Variants in ANAPC2 observed in about 807,000 individuals in gnomAD.
ANAPC2 encodes anaphase-promoting complex subunit 2.
In ANAPC2, 29 loss-of-function variants were observed where a neutral mutation model predicts 84.3. That is an observed-to-expected ratio of 0.34 (90% CI 0.26 to 0.47). The LOEUF is 0.47. Among genes scored for constraint, ANAPC2 ranks in the 20% least tolerant of loss-of-function variants. The probability of loss-of-function intolerance (pLI) is 1.00; values close to 1 mark genes in which losing one functional copy is unlikely to be tolerated. For missense variants in ANAPC2, 857 were observed against 1,131.7 expected (o/e 0.76, Z 3.48); for synonymous variants, 571 against 479.4 (o/e 1.19, Z -2.50).
At chr9:137,175,580 C>G (rs977323958) in intron 11 of ANAPC2, 108 bp from the exon 12 acceptor site, 2 of 1,483,706 alleles carry the variant, frequency 1.3e-6, no homozygotes, top group Non-Finnish European at 9.0e-7. Context: ...CTGCCTTGCC[C>G]GTGGGAAAGG....
intron 10 of ANAPC2, among the ~76,000 whole-genome samples, chr9:137,178,576 C>T (rs1834272411): frequency 6.6e-6 from 1 of 152,176 alleles, no homozygotes; most frequent in Admixed American, 6.5e-5. Context: ...CGGAGCCGGG[C>T]CACACGGATG....
At position 137,174,892 on chromosome 9, in the gene ANAPC2, A is replaced by C. The variant is rs993067183; in HGVS notation, c.*50T>G. The C allele has an allele frequency of 1.5e-6, 2 of 1,342,168 alleles. No individual in the cohort carries two copies. Among genetic ancestry groups the C allele is most frequent in the African/African-American group, 3.3e-5 (2 of 60,324 alleles). 83.1% of individuals were successfully genotyped at this position (1,342,168 alleles called of 1,614,324 possible). A position where few individuals can be genotyped will look rare whatever the true frequency, so the allele number is the denominator to read the frequency against. ...GCGGGGGCTGGCACGGGAGGACGAG[A>C]GCACCTGCAGGGCAGCGCCTGGCGG... On this transcript the variant is annotated 3_prime_UTR_variant, in exon 13 of 13. Transcript: ENST00000323927. The surrounding 1 kb of genome is among the most constrained non-coding windows in gnomAD (Gnocchi z 6.1).
In ANAPC2 at chr9:137,186,442, C is replaced by T; in HGVS notation, c.741-86G>A. 2.0e-6 allele frequency: 3 copies of T among 1,487,662 alleles called. No homozygotes were observed. In the South Asian group the frequency reaches 3.7e-5, roughly 18 times the overall value. 92.2% of individuals were successfully genotyped at this position (1,487,662 alleles called of 1,614,324 possible). On this transcript the variant is annotated intron_variant, in intron 2 of 12. Coordinates refer to ENST00000323927, the MANE Select transcript of ANAPC2 (RefSeq NM_013366.4). Reference sequence around the variant, plus strand: ...CAGCCCCATGCCAGGACTGCCCTGCCTGTAGAGTGCATGCAGCACACACAC... The same window carrying T: ...CAGCCCCATGCCAGGACTGCCCTGCTTGTAGAGTGCATGCAGCACACACAC...
chr9:137,185,059 C>G lies in ANAPC2; in HGVS notation c.902G>C (p.Gly301Ala), dbSNP rs1260861356. ...KWIERVVGWL[G>A]KVFLQDGPAR... ...GGGGCCGTCCTGCAGGAACACCTTG[C>G]CGAGCCAGCCGACCACCCGCTCGAT... is the stretch of plus-strand genomic sequence containing the variant. Residue 301 changes from glycine to alanine, a missense_variant, in exon 4 of 13, where the codon GGC becomes GCC. Around this residue, in one of 3 missense-constraint regions of ANAPC2, gnomAD observed 428 missense variants for 513.8 expected, o/e 0.83. Transcript: ENST00000323927. 6.4e-7 allele frequency: 1 copy of G among 1,551,082 alleles called. No homozygotes were observed. The highest frequency in any genetic ancestry group is 2.1e-5 in the Admixed American group (1 of 48,140).
rs201930610 is a variant in ANAPC2 at position 137,174,923 on chromosome 9, C to G, written c.*19G>C. Reference sequence around the variant, plus strand: ...TGCAGGGCAGCGCCTGGCGGGCGGGCGGGCGGGCGGGCGATGTGTCAGCTG... The same window carrying G: ...TGCAGGGCAGCGCCTGGCGGGCGGGGGGGCGGGCGGGCGATGTGTCAGCTG... On this transcript the variant is annotated 3_prime_UTR_variant, in exon 13 of 13. Coordinates refer to ENST00000323927, the MANE Select transcript of ANAPC2 (RefSeq NM_013366.4). This position sits in a 1 kb window ranked among gnomAD's most constrained non-coding sequence, Gnocchi z 6.1. The G allele has an allele frequency of 4.1e-6, 2 of 484,262 alleles. No homozygotes were observed. The highest frequency in any genetic ancestry group is 4.2e-5 in the Admixed American group (1 of 23,932). 30.0% of individuals were successfully genotyped at this position (484,262 alleles called of 1,614,324 possible).
rs2131343672 is a variant in ANAPC2, at chr9:137,188,026, G to A, written c.195C>T (p.His65=). Residue 65 remains histidine (H), a synonymous_variant, in exon 2 of 13, where the codon CAC becomes CAT. Transcript: ENST00000323927. ...LRAAVEVLRG[H]GLHSVLEEWF... Reference sequence around the variant, plus strand: ...ACTCCTCCAGGACCGAGTGTAGCCCGTGGCCCCTCAGAACCTCCACCGCCG... The same window carrying A: ...ACTCCTCCAGGACCGAGTGTAGCCCATGGCCCCTCAGAACCTCCACCGCCG... 2 of 1,613,776 alleles carry A rather than the reference G, an allele frequency of 1.2e-6. No homozygotes were observed. Among genetic ancestry groups the A allele is most frequent in the East Asian group, 4.5e-5 (2 of 44,890 alleles).
At position 137,184,976 on chromosome 9, in the gene ANAPC2, G is replaced by C; in HGVS notation, c.985C>G (p.Gln329Glu). ...NTLRRWRCHV[Q>E]RFFYRIYASL... ...GCGTAGATGCGGTAGAAGAACCTTT[G>C]CACGTGGCAGCGCCAGCGGCGCAGG... The change falls in exon 4 of 13, where the codon CAA (glutamine) becomes GAA (glutamate). Residue 329 changes from glutamine to glutamate, a missense_variant. This residue lies in a region of ANAPC2 where 428 missense variants were observed against 513.8 expected (regional missense o/e 0.83). Transcript: ENST00000323927. The C allele has an allele frequency of 3.7e-6, 6 of 1,612,094 alleles. No homozygotes were observed. Among genetic ancestry groups the C allele is most frequent in the Non-Finnish European group, 5.1e-6 (6 of 1,179,536 alleles).
intron 2 of ANAPC2, 126 bp from the exon 3 acceptor site, chr9:137,186,482 C>G: frequency 1.6e-6 from 2 of 1,261,256 alleles, no homozygotes; most frequent in East Asian, 5.2e-5. Context: ...ACACACCCAG[C>G]ACACACCTCC....
At chr9:137,186,700 A>C (rs1834478441) in intron 2 of ANAPC2, 2 of 300,872 alleles carry the variant, frequency 6.6e-6, no homozygotes. Context: ...ACGACAACCA[A>C]CTGCACTGCT....
At chr9:137,183,438 C>T (rs781770336) in intron 5 of ANAPC2, 196 bp from the exon 6 acceptor site, 58 of 752,118 alleles carry the variant, frequency 7.7e-5, no homozygotes, top group Admixed American at 1.7e-4. Context: ...TCTGAGAGAA[C>T]TAAGTCTCAT....
At chr9:137,180,693 C>A in intron 8 of ANAPC2, 95 bp downstream of exon 8, 1 of 1,569,738 alleles carries the variant, frequency 6.4e-7, no homozygotes. Flanking sequence ...ACAGCTCCAA[C>A]CAGGCCCCAG....
intron 10 of ANAPC2, chr9:137,176,729 A>G (rs1208128141): frequency 6.6e-6 from 1 of 152,272 alleles, no homozygotes; most frequent in African/African-American, 2.4e-5. Context: ...TGACCGTGCT[A>G]CTGGGAACCG....
At chr9:137,185,709 C>A (rs915536034) in intron 3 of ANAPC2, among the ~76,000 whole-genome samples, 1 of 152,224 alleles carries the variant, frequency 6.6e-6, no homozygotes, top group Non-Finnish European at 1.5e-5. Context: ...GGGGGACCCA[C>A]ATGGCTGGGC....
At position 137,180,647 on chromosome 9, in the gene ANAPC2, G is replaced by C. The variant is rs555810109; in HGVS notation, c.1611-120C>G. The C allele has an allele frequency of 3.1e-5, 48 of 1,569,636 alleles. 1 individual carries two copies. In the Admixed American group the frequency reaches 6.9e-4, roughly 22 times the overall value. ...GGGAGCCTGTGTGGGCACCCCAATG[G>C]CTAGCACACCCCCAGCCAGGAGTGG... On this transcript the variant is annotated intron_variant, in intron 8 of 12. Coordinates refer to ENST00000323927, the MANE Select transcript of ANAPC2 (RefSeq NM_013366.4).
chr9:137,187,919 G>A lies in ANAPC2; in HGVS notation c.302C>T (p.Ser101Phe). ...FWNAISQCENSADEPQCLLLL... is the reference protein window; with the variant it reads ...FWNAISQCENFADEPQCLLLL... ...CAAAAGGCACTGGGGCTCATCCGCA[G>A]AGTTCTCGCATTGGGAGATGGCATT... Residue 101 changes from serine (S) to phenylalanine (F), a missense_variant, in exon 2 of 13, where the codon TCT becomes TTT. Transcript: ENST00000323927. The A allele has an allele frequency of 6.2e-7, 1 of 1,613,894 alleles. No individual in the cohort carries two copies. The highest frequency in any genetic ancestry group is 8.5e-7 in the Non-Finnish European group (1 of 1,180,042).
chr9:137,175,494 C>T (rs752281065), intron 11 of ANAPC2, 22 bp from the exon 12 acceptor site: 65 of 1,533,416 alleles, frequency 4.2e-5, no homozygotes, highest in South Asian at 1.1e-4. Context: ...GTCACCGGGA[C>T]GCTGGGCAGC....
At chr9:137,183,408 C>T (rs894869120) in intron 5 of ANAPC2, 166 bp from the exon 6 acceptor site, 10 of 763,704 alleles carry the variant, frequency 1.3e-5, no homozygotes, top group Middle Eastern at 3.5e-4. Flanking sequence ...TCACAGGTCC[C>T]GCCCTGCAGG....
intron 3 of ANAPC2, 142 bp from the exon 4 acceptor site, chr9:137,185,229 G>C (rs1379982330): frequency 7.8e-6 from 7 of 892,840 alleles, no homozygotes; most frequent in Non-Finnish European, 4.9e-6. Context: ...CTGGAGGCTG[G>C]AGCACATCAA....
At position 137,188,030 on chromosome 9, in the gene ANAPC2, C is replaced by A; in HGVS notation, c.191G>T (p.Gly64Val). The change falls in exon 2 of 13, where the codon GGC becomes GTC. Residue 64 changes from glycine (G) to valine (V), a missense_variant. Gly to Val is a moderately radical substitution (Grantham distance 109). Around this residue, in one of 3 missense-constraint regions of ANAPC2, gnomAD observed 428 missense variants for 513.8 expected, o/e 0.83. Transcript: ENST00000323927. ...ELRAAVEVLR[G>V]HGLHSVLEEW... ...CTCCAGGACCGAGTGTAGCCCGTGG[C>A]CCCTCAGAACCTCCACCGCCGCCCG... The A allele has an allele frequency of 6.2e-7, 1 of 1,613,750 alleles. No individual in the cohort carries two copies. The highest frequency in any genetic ancestry group is 8.5e-7 in the Non-Finnish European group (1 of 1,180,010).
Sources: allele counts gnomAD v4.1 joint callset (sites outside exome capture counted in the v4.1 genomes callset), GRCh38; gene constraint gnomAD v4.1.1; regional missense constraint gnomAD v4.1.1; non-coding constraint Gnocchi (gnomAD v3.1); transcripts MANE v1.5; gene names NCBI Gene and HGNC (gene_info 2026-07-23, HGNC 2026-07-21).